Variants in ZNF140 observed in about 807,000 individuals in gnomAD.
ZNF140 encodes zinc finger protein 140.
ZNF140 carries 13 observed loss-of-function variants against 12.9 expected under a neutral mutation model. That is an observed-to-expected ratio of 1.01 (90% CI 0.66 to 1.60). The LOEUF (loss-of-function observed/expected upper bound fraction) is 1.60. Among genes scored for constraint, ZNF140 ranks in the 40% most tolerant of loss-of-function variants. The pLI is 0.00. For synonymous variants in ZNF140, 214 were observed against 186.7 expected (o/e 1.15, Z -1.19); for missense variants, 531 against 548.8 (o/e 0.97, Z 0.32).
chr12:133,081,319 C>G lies in ZNF140; in HGVS notation c.-2C>G, dbSNP rs1954470953. 2 of 1,475,414 alleles carry G rather than the reference C, an allele frequency of 1.4e-6. No homozygotes were observed. Among genetic ancestry groups the G allele is most frequent in the Non-Finnish European group, 1.8e-6 (2 of 1,086,480 alleles). The allele number at this position is 1,475,414 out of a possible 1,614,324, so 91.4% of individuals were successfully genotyped here. Reference sequence around the variant, plus strand: ...TGATCTCCTCCTTCCCTTCTGTGAGCTATGTCTCAGGTAAGCTAATGATTG... The same window carrying G: ...TGATCTCCTCCTTCCCTTCTGTGAGGTATGTCTCAGGTAAGCTAATGATTG... On this transcript the variant is annotated 5_prime_UTR_variant, in exon 2 of 5. Coordinates refer to ENST00000355557, the MANE Select transcript of ZNF140 (RefSeq NM_003440.4).
At chr12:133,084,529 T>G (rs1842636056) in intron 4 of ZNF140, among the ~76,000 whole-genome samples, 1 of 152,186 alleles carries the variant, frequency 6.6e-6, no homozygotes, top group South Asian at 2.1e-4. Context: ...AAAAAGGAAT[T>G]TCCAGTTGTC....
intron 4 of ZNF140, among the ~76,000 whole-genome samples, chr12:133,096,031 T>G (rs1488399456): frequency 6.6e-6 from 1 of 151,064 alleles, no homozygotes; most frequent in African/African-American, 2.4e-5. Flanking sequence ...CCAATCCACC[T>G]CAGCACAGAC....
rs201324212 is a variant in ZNF140 at position 133,083,464 on chromosome 12, A to G, written c.137-2A>G. On this transcript the variant is annotated splice_acceptor_variant, in intron 3 of 4. Coordinates refer to ENST00000355557, the MANE Select transcript of ZNF140 (RefSeq NM_003440.4). LOFTEE classifies it high-confidence loss of function. The stretch of plus-strand genomic sequence containing the variant: ...TGAATTTATTTCATTTTCTGCAAGC[A>G]GGTCTTTCCATTTCTAAGCCAGATG... The G allele has an allele frequency of 1.2e-6, 2 of 1,609,042 alleles. No homozygotes were observed. The highest frequency in any genetic ancestry group is 1.7e-6 in the Non-Finnish European group (2 of 1,178,584).
chr12:133,103,951 T>C (rs1955463728), intron 4 of ZNF140, among the ~76,000 whole-genome samples: 1 of 152,228 alleles, frequency 6.6e-6, no homozygotes, highest in African/African-American at 2.4e-5. Flanking sequence ...TGCCTCCCCA[T>C]CTTGATCTTT....
rs1293958577 is a variant in ZNF140, at chr12:133,097,560, G to A, written c.233-7950G>A. Among the ~76,000 whole-genome samples, 14 of 151,288 alleles carry A rather than the reference G, an allele frequency of 9.3e-5. 1 individual carries two copies. The highest frequency in any genetic ancestry group is 4.2e-4 in the South Asian group (2 of 4,784). On this transcript the variant is annotated intron_variant, in intron 4 of 4. Transcript: ENST00000355557. Reference sequence around the variant, plus strand: ...CGGGAGGCTGAGGCACGAGAATGGCGTGAACCCGGGAGGCGGAGGTTGCAG... The same window carrying A: ...CGGGAGGCTGAGGCACGAGAATGGCATGAACCCGGGAGGCGGAGGTTGCAG...
intron 4 of ZNF140, among the ~76,000 whole-genome samples, chr12:133,094,417 C>T (rs1954996041): frequency 6.6e-6 from 1 of 150,950 alleles, no homozygotes; most frequent in African/African-American, 2.5e-5. Context: ...AAAAGCCAAT[C>T]TTTGGGGGTC....
intron 4 of ZNF140, among the ~76,000 whole-genome samples, chr12:133,084,841 A>T: frequency 6.6e-6 from 1 of 152,210 alleles, no homozygotes; most frequent in South Asian, 2.1e-4. Context: ...GTCCAGAAGG[A>T]TTTGCAAAGG....
At chr12:133,103,689 A>C (rs1593804089) in intron 4 of ZNF140, among the ~76,000 whole-genome samples, 1 of 152,062 alleles carries the variant, frequency 6.6e-6, no homozygotes, top group Non-Finnish European at 1.5e-5. Flanking sequence ...GGATTTTTAA[A>C]TCTTATCTCT....
At chr12:133,101,740 G>A (rs1955358358) in intron 4 of ZNF140, among the ~76,000 whole-genome samples, 1 of 152,096 alleles carries the variant, frequency 6.6e-6, no homozygotes, top group Admixed American at 6.6e-5. Flanking sequence ...ACTGCACCTG[G>A]CCCATTACAG....
intron 4 of ZNF140, among the ~76,000 whole-genome samples, chr12:133,087,560 A>G (rs997556500): frequency 4.6e-5 from 7 of 151,940 alleles, no homozygotes; most frequent in Non-Finnish European, 8.8e-5. Flanking sequence ...GAAACAAAGA[A>G]ATCTATAACT....
intron 4 of ZNF140, among the ~76,000 whole-genome samples, chr12:133,091,450 G>A (rs1003973040): frequency 6.6e-6 from 1 of 151,264 alleles, no homozygotes; most frequent in Non-Finnish European, 1.5e-5. Flanking sequence ...CAAAGCAATT[G>A]TTTAAAGTAC....
At chr12:133,089,704 C>A (rs1954792120) in intron 4 of ZNF140, among the ~76,000 whole-genome samples, 1 of 152,158 alleles carries the variant, frequency 6.6e-6, no homozygotes, top group Admixed American at 6.5e-5. Flanking sequence ...GGCCCCCTTT[C>A]ATTGCTGATA....
intron 4 of ZNF140, among the ~76,000 whole-genome samples, chr12:133,104,565 C>A (rs376647680): frequency 0.029 from 4,363 of 152,086 alleles, 97 homozygotes; most frequent in Non-Finnish European, 0.039. Context: ...GTTAGCCAGG[C>A]TGGTCTCGAT....
rs1233523689 is a variant in ZNF140, at chr12:133,106,571, C to T, written c.1294C>T (p.Gln432Ter). Residue 432 changes from glutamine to a stop codon, truncating the protein, a stop_gained, in exon 5 of 5, where the codon CAG becomes TAG. Transcript: ENST00000355557. LOFTEE classifies it low-confidence loss of function (END_TRUNC). ...CTGGAGCTCAAACCTTGCTAAACAT[C>T]AGAGGACACACACTCTTGACAACCC... ...FSWSSNLAKH[Q>*]RTHTLDNPYE... 3 of 1,613,642 alleles carry T rather than the reference C, an allele frequency of 1.9e-6. No homozygotes were observed. The highest frequency in any genetic ancestry group is 1.1e-5 in the South Asian group (1 of 91,078).
At chr12:133,083,679 G>C in intron 4 of ZNF140, 118 bp downstream of exon 4, 1 of 938,496 alleles carries the variant, frequency 1.1e-6, no homozygotes, top group Admixed American at 2.6e-5. Flanking sequence ...CTAGAGATAC[G>C]CTAGGCACGG....
intron 4 of ZNF140, among the ~76,000 whole-genome samples, chr12:133,097,948 C>T (rs889850613): frequency 3.7e-4 from 56 of 151,944 alleles, no homozygotes; most frequent in African/African-American, 1.2e-3. Flanking sequence ...GCAATTCTGC[C>T]TCAGCCTCCT....
chr12:133,106,248 C>T lies in ZNF140; in HGVS notation c.971C>T (p.Thr324Ile). The T allele has an allele frequency of 1.9e-6, 3 of 1,614,190 alleles. No individual in the cohort carries two copies. Among genetic ancestry groups the T allele is most frequent in the Non-Finnish European group, 2.5e-6 (3 of 1,180,030 alleles). The change falls in exon 5 of 5, where the codon ACA becomes ATA. Residue 324 changes from threonine to isoleucine, a missense_variant. By Grantham distance (89) the Thr-to-Ile change is moderately conservative. Transcript: ENST00000355557. ...CTTACTCGACATCAGAGCATCCATA[C>T]AACCAAAACCCCGTATGAATGTAAT... ...SHLTRHQSIH[T>I]TKTPYECNEC... is the part of the protein sequence containing the mutation.
chr12:133,091,566 C>G (rs923382633), intron 4 of ZNF140, among the ~76,000 whole-genome samples: 3 of 150,468 alleles, frequency 2.0e-5, no homozygotes, highest in Non-Finnish European at 4.4e-5. Context: ...TTCTTTTTGA[C>G]AAAACCGCCA....
At chr12:133,082,003 C>T (rs1427473822) in intron 2 of ZNF140, 10 of 154,044 alleles carry the variant, frequency 6.5e-5, no homozygotes, top group African/African-American at 2.4e-4. Flanking sequence ...CATTCTAAGT[C>T]TTGAGGATGC....
Sources: gnomAD v4.1 joint callset for allele counts (sites outside exome capture counted in the v4.1 genomes callset) on GRCh38, gnomAD v4.1.1 for gene constraint, MANE v1.5 for transcripts, NCBI Gene and HGNC (gene_info 2026-07-23, HGNC 2026-07-21) for gene names.